CLHC1: variants seen among roughly 807,000 people sequenced by gnomAD.
CLHC1 encodes the protein clathrin heavy chain linker domain containing 1, also known as clathrin heavy chain linker domain-containing protein 1.
In CLHC1, 72 loss-of-function variants were observed where a neutral mutation model predicts 69.5. The ratio of observed to expected loss-of-function variants is 1.04; its 90% CI spans 0.86 to 1.26. CLHC1 has a LOEUF of 1.26. Among genes scored for constraint, CLHC1 ranks in the 50% most tolerant of loss-of-function variants. The pLI, the probability that CLHC1 is intolerant of heterozygous loss-of-function variation, is 0.00. For synonymous variants in CLHC1, 223 were observed against 224.3 expected, an observed-to-expected ratio of 0.99 and a Z score of 0.05; for missense variants, 790 against 679.3, an observed-to-expected ratio of 1.16 and a Z score of -1.81.
intron 9 of CLHC1, among the ~76,000 whole-genome samples, chr2:55,203,722 G>A (rs994156524): frequency 3.9e-5 from 6 of 151,914 alleles, no homozygotes; most frequent in Non-Finnish European, 7.4e-5. Context: ...GAAAACATTG[G>A]GGAAATTCTC....
At chr2:55,183,076 T>C (rs1175737674) in intron 9 of CLHC1, among the ~76,000 whole-genome samples, 1 of 152,124 alleles carries the variant, frequency 6.6e-6, no homozygotes, top group Non-Finnish European at 1.5e-5. Flanking sequence ...CTGTCCCTTA[T>C]ATAACCCCAC....
chr2:55,183,569 C>G (rs1248713819), intron 9 of CLHC1, among the ~76,000 whole-genome samples: 1 of 152,136 alleles, frequency 6.6e-6, no homozygotes, highest in African/African-American at 2.4e-5. Flanking sequence ...TGGATTTTCA[C>G]AAGATAATAT....
chr2:55,202,291 C>T (rs1288150450), intron 9 of CLHC1, among the ~76,000 whole-genome samples: 1 of 150,334 alleles, frequency 6.7e-6, no homozygotes, highest in East Asian at 1.9e-4. Context: ...TGCGGTGGCT[C>T]ATGCCTGTAA....
intron 10 of CLHC1, 55 bp from the exon 11 acceptor site, chr2:55,180,767 A>C: frequency 7.1e-7 from 1 of 1,412,366 alleles, no homozygotes; most frequent in Non-Finnish European, 1.0e-6. Flanking sequence ...TGAGTGGCTG[A>C]GACTGAAATA....
Position 55,212,670 on chromosome 2 carries a change from T to C in CLHC1, c.499+3A>G, listed in dbSNP as rs201376189. 2.3e-5 allele frequency: 36 copies of C among 1,585,470 alleles called. No homozygotes were observed. Among genetic ancestry groups the C allele is most frequent in the Non-Finnish European group, 6.9e-6 (8 of 1,158,328 alleles). On this transcript the variant is annotated splice_donor_region_variant and intron_variant, in intron 5 of 12. Coordinates refer to ENST00000401408, the MANE Select transcript of CLHC1 (RefSeq NM_152385.4). ...CTCAAATATTTTAAACAAAATACAA[T>C]ACCTGGAATAGGTTTTGAAGGATCT... is the stretch of plus-strand genomic sequence containing the variant.
intron 2 of CLHC1, chr2:55,224,709 A>G (rs907239206): frequency 3.7e-6 from 1 of 272,778 alleles, no homozygotes. Flanking sequence ...AAAGGAGTGC[A>G]GTTTATTCTA....
chr2:55,213,205 A>G (rs965250445), intron 4 of CLHC1, among the ~76,000 whole-genome samples: 33 of 152,236 alleles, frequency 2.2e-4, no homozygotes, highest in Non-Finnish European at 4.3e-4. Flanking sequence ...TCTGGAAGCC[A>G]GAAATTCAAA....
chr2:55,196,720 G>A (rs575388266), intron 9 of CLHC1, among the ~76,000 whole-genome samples: 6 of 152,284 alleles, frequency 3.9e-5, no homozygotes, highest in Admixed American at 3.3e-4. Flanking sequence ...GTGGGTCTTG[G>A]GTAAGACTCT....
chr2:55,179,007 C>A (rs964280318), intron 11 of CLHC1, among the ~76,000 whole-genome samples: 9 of 151,484 alleles, frequency 5.9e-5, no homozygotes, highest in African/African-American at 2.2e-4. Flanking sequence ...CAGCTCACTG[C>A]AGCCTAGAAC....
Position 55,212,681 on chromosome 2 carries a change from G to C in CLHC1, c.491C>G (p.Pro164Arg), listed in dbSNP as rs1426106213. 3 of 1,597,436 alleles carry C rather than the reference G, an allele frequency of 1.9e-6. No homozygotes were observed. Among genetic ancestry groups the C allele is most frequent in the Non-Finnish European group, 1.7e-6 (2 of 1,165,706 alleles). ...TAAACAAAATACAATACCTGGAATA[G>C]GTTTTGAAGGATCTTTGGAGAAAGT... ...YCTFSKDPSK[P>R]IPGMTLQESM... The change falls in exon 5 of 13, where the codon CCT becomes CGT. Residue 164 changes from proline (P) to arginine (R), a missense_variant. Transcript: ENST00000401408.
chr2:55,177,187 C>G (rs1033830128), intron 12 of CLHC1, among the ~76,000 whole-genome samples: 2 of 152,152 alleles, frequency 1.3e-5, no homozygotes, highest in Non-Finnish European at 2.9e-5. Context: ...TAGTTATTCT[C>G]TAATTCACAG....
At chr2:55,209,910 C>T (rs1672820711) in intron 5 of CLHC1, 79 bp from the exon 6 acceptor site, 1 of 868,784 alleles carries the variant, frequency 1.2e-6, no homozygotes, top group South Asian at 1.5e-5. Flanking sequence ...CTTAGAAAGA[C>T]AGTTCACTAT....
intron 2 of CLHC1, among the ~76,000 whole-genome samples, chr2:55,227,405 C>T (rs892628972): frequency 2.0e-5 from 3 of 152,022 alleles, no homozygotes; most frequent in African/African-American, 2.4e-5. Flanking sequence ...GATAACCAGG[C>T]GCGGTGGCTC....
At chr2:55,230,184 A>C (rs1039862665) in intron 1 of CLHC1, among the ~76,000 whole-genome samples, 2 of 152,258 alleles carry the variant, frequency 1.3e-5, no homozygotes, top group African/African-American at 4.8e-5. Context: ...ATCAAGGCAA[A>C]AGATGATGGT....
intron 8 of CLHC1, among the ~76,000 whole-genome samples, chr2:55,207,215 T>A (rs976522979): frequency 2.0e-5 from 3 of 152,124 alleles, no homozygotes; most frequent in African/African-American, 7.2e-5. Context: ...CAATCGAAGA[T>A]TAGCACAAGA....
chr2:55,179,000 C>T (rs1478336098), intron 11 of CLHC1, among the ~76,000 whole-genome samples: 1 of 151,302 alleles, frequency 6.6e-6, no homozygotes, highest in African/African-American at 2.4e-5. Context: ...ACAATCACAG[C>T]TCACTGCAGC....
chr2:55,176,878 A>T (rs1669435591), intron 12 of CLHC1, among the ~76,000 whole-genome samples: 2 of 151,948 alleles, frequency 1.3e-5, no homozygotes, highest in South Asian at 2.1e-4. Flanking sequence ...AGTTTTAATT[A>T]TTCTCTCTCT....
At chr2:55,189,996 C>T (rs1457204567) in intron 9 of CLHC1, among the ~76,000 whole-genome samples, 2 of 152,082 alleles carry the variant, frequency 1.3e-5, no homozygotes, top group African/African-American at 4.8e-5. Flanking sequence ...TACCTATATC[C>T]CAGAACAAAG....
intron 9 of CLHC1, among the ~76,000 whole-genome samples, chr2:55,200,052 T>C (rs1301077856): frequency 6.6e-6 from 1 of 151,840 alleles, no homozygotes; most frequent in Non-Finnish European, 1.5e-5. Flanking sequence ...GGTGAGACCT[T>C]GTCTCCACAA....
Sources: allele counts gnomAD v4.1 joint callset (sites outside exome capture counted in the v4.1 genomes callset), GRCh38; gene constraint gnomAD v4.1.1; transcripts MANE v1.5; gene names NCBI Gene and HGNC (gene_info 2026-07-23, HGNC 2026-07-21).